The following RHEX variants were observed in gnomAD, a reference collection of about 807,000 sequenced individuals.
The protein encoded by RHEX is regulator of hemoglobinization and erythroid cell expansion.
RHEX carries 18 observed loss-of-function variants against 20.1 expected under a neutral mutation model. The ratio of observed to expected loss-of-function variants is 0.90; its 90% confidence interval spans 0.62 to 1.33. The LOEUF is 1.33. Ranked by LOEUF, RHEX falls within the 40% of genes most tolerant of loss-of-function variation. The pLI, the probability that RHEX is intolerant of heterozygous loss-of-function variation, is 0.00. For missense variants in RHEX, 192 were observed against 214.3 expected, an observed-to-expected ratio of 0.90 and a Z score of 0.65; for synonymous variants, 87 against 77.1, an observed-to-expected ratio of 1.13 and a Z score of -0.67.
At chr1:206,064,274 C>A (rs1406352075) in intron 1 of RHEX, among the ~76,000 whole-genome samples, 1 of 144,954 alleles carries the variant, frequency 6.9e-6, no homozygotes, top group Non-Finnish European at 1.5e-5. Context: ...GGGGGTCAGC[C>A]CCCCGCCCGG....
intron 1 of RHEX, among the ~76,000 whole-genome samples, chr1:206,053,724 A>C (rs1662117620): frequency 6.6e-6 from 1 of 152,236 alleles, no homozygotes; most frequent in Admixed American, 6.5e-5. Flanking sequence ...AAGCCTGGAC[A>C]GGTCCCTTGT....
intron 1 of RHEX, among the ~76,000 whole-genome samples, chr1:206,090,929 A>T (rs555704954): frequency 6.6e-6 from 1 of 152,264 alleles, no homozygotes; most frequent in South Asian, 2.1e-4. Context: ...TAATTCCTCT[A>T]GTTTTGCAAT....
intron 1 of RHEX, among the ~76,000 whole-genome samples, chr1:206,076,072 G>A (rs1162928049): frequency 2.0e-5 from 3 of 152,084 alleles, no homozygotes; most frequent in Non-Finnish European, 4.4e-5. Context: ...CTTGCTGCGA[G>A]AAGCAAAAAC....
At position 206,099,826 on chromosome 1, in the gene RHEX, G is replaced by T. The variant is rs782773043; in HGVS notation, c.256+28G>T. 6.2e-6 allele frequency: 10 copies of T among 1,609,766 alleles called. No individual in the cohort carries two copies. In the Admixed American group the frequency reaches 1.2e-4, roughly 19 times the overall value. ...GAGTAAGGGGTTGGAGGGAGAACTT[G>T]TCTAGGGACTAACTTTGCTCTCTCT... On this transcript the variant is annotated intron_variant, in intron 4 of 5. Transcript: ENST00000331555.
chr1:206,055,733 C>T (rs1193754130), intron 1 of RHEX, among the ~76,000 whole-genome samples: 2 of 152,254 alleles, frequency 1.3e-5, no homozygotes, highest in South Asian at 2.1e-4. Flanking sequence ...AAACCCATGT[C>T]GGCCCCAGCC....
At position 206,099,682 on chromosome 1, in the gene RHEX, C is replaced by CGGCCAGTCTCCAGGTTCCCA; in HGVS notation, c.145_164dup (p.Ser56ValfsTer20). 6.2e-7 allele frequency: 1 copy of CGGCCAGTCTCCAGGTTCCCA among 1,614,094 alleles called. No individual in the cohort carries two copies. On this transcript the variant is annotated frameshift_variant, in exon 4 of 6. Coordinates refer to ENST00000331555, the MANE Select transcript of RHEX (RefSeq NM_001007544.4). LOFTEE classifies it high-confidence loss of function. The stretch of plus-strand genomic sequence containing the variant: ...CACAAGAGTGAACAGATACTGAAAG[C>CGGCCAGTCTCCAGGTTCCCA]GGCCAGTCTCCAGGTTCCCAGGCCC...
At position 206,099,748 on chromosome 1, in the gene RHEX, A is replaced by T. The variant is rs1467133723; in HGVS notation, c.206A>T (p.Lys69Met). 8 of 1,613,968 alleles carry T rather than the reference A, an allele frequency of 5.0e-6. No individual in the cohort carries two copies. The highest frequency in any genetic ancestry group is 5.9e-6 in the Non-Finnish European group (7 of 1,179,964). ...HHHPPAVKEM[K>M]ETQTERDIPM... ...CATCCACCTGCTGTCAAAGAGATGA[A>T]GGAGACTCAGACAGAGAGAGACATC... The change falls in exon 4 of 6, where the codon AAG becomes ATG. Residue 69 changes from lysine (K) to methionine (M), a missense_variant. Lys to Met is a moderately conservative substitution (Grantham distance 95). Transcript: ENST00000331555.
At chr1:206,093,871 G>A (rs1663010566) in intron 1 of RHEX, among the ~76,000 whole-genome samples, 1 of 152,026 alleles carries the variant, frequency 6.6e-6, no homozygotes, top group Admixed American at 6.5e-5. Context: ...GAGGGACAGG[G>A]TTTTACTCTG....
intron 1 of RHEX, among the ~76,000 whole-genome samples, chr1:206,062,647 G>T (rs1006239598): frequency 2.0e-5 from 3 of 152,170 alleles, no homozygotes; most frequent in Non-Finnish European, 2.9e-5. Flanking sequence ...TAGGGGGGCT[G>T]CAGGTGCCTG....
chr1:206,098,368 A>T (rs1021186879), intron 3 of RHEX, 187 bp downstream of exon 3: 1 of 570,850 alleles, frequency 1.8e-6, no homozygotes, highest in Non-Finnish European at 3.2e-6. Context: ...CCCCACTCTG[A>T]CCTCACCTTT....
chr1:206,086,881 C>T (rs1209854567), intron 1 of RHEX, among the ~76,000 whole-genome samples: 1 of 152,012 alleles, frequency 6.6e-6, no homozygotes, highest in Non-Finnish European at 1.5e-5. Context: ...GTGGTATGCA[C>T]CTGTGGTCCC....
Position 206,098,179 on chromosome 1 carries a change from T to C in RHEX, c.110T>C (p.Met37Thr), listed in dbSNP as rs140952719. The part of the protein sequence containing the change: ...TAINYLLSRH[M>T]AHKSEQILKA... ...ATCAACTACCTGCTCAGCAGGCACA[T>C]GGGTAACTGGCTCAGCATCCTCTTC... The change falls in exon 3 of 6, where the codon ATG (methionine) becomes ACG (threonine). Residue 37 changes from methionine to threonine, a missense_variant and splice_region_variant. Physicochemically the swap from Met to Thr is moderately conservative, Grantham distance 81. Transcript: ENST00000331555. 6.2e-6 allele frequency: 10 copies of C among 1,607,512 alleles called. No individual in the cohort carries two copies. The African/African-American group carries it at 1.3e-4, about 22-fold the overall frequency.
intron 1 of RHEX, among the ~76,000 whole-genome samples, chr1:206,088,366 T>C (rs1662878660): frequency 6.6e-6 from 1 of 152,220 alleles, no homozygotes; most frequent in African/African-American, 2.4e-5. Context: ...AAATCTATAT[T>C]TGATAAACAA....
At chr1:206,080,513 CG>C (rs1324930146) in intron 1 of RHEX, among the ~76,000 whole-genome samples, 1 of 152,078 alleles carries the variant, frequency 6.6e-6, no homozygotes, top group Non-Finnish European at 1.5e-5. Context: ...AAATGGGCTA[CG>C]GGGTGGGGTA....
intron 1 of RHEX, among the ~76,000 whole-genome samples, chr1:206,088,365 T>C (rs967734057): frequency 1.3e-5 from 2 of 152,230 alleles, no homozygotes; most frequent in African/African-American, 4.8e-5. Flanking sequence ...TAAATCTATA[T>C]TTGATAAACA....
chr1:206,101,634 C>A, intron 5 of RHEX, 118 bp from the exon 6 acceptor site: 1 of 761,132 alleles, frequency 1.3e-6, no homozygotes, highest in East Asian at 2.7e-5. Context: ...TATTTGGACC[C>A]AGATCTTCCC....
chr1:206,099,760 C>T lies in RHEX; in HGVS notation c.218C>T (p.Thr73Ile), dbSNP rs781999919. The T allele has an allele frequency of 1.2e-6, 2 of 1,614,084 alleles. No individual in the cohort carries two copies. Among genetic ancestry groups the T allele is most frequent in the Non-Finnish European group, 1.7e-6 (2 of 1,179,968 alleles). The part of the protein sequence containing the change: ...PAVKEMKETQ[T>I]ERDIPMSDSL... Reference sequence around the variant, plus strand: ...GTCAAAGAGATGAAGGAGACTCAGACAGAGAGAGACATCCCAATGTCTGAT... The same window carrying T: ...GTCAAAGAGATGAAGGAGACTCAGATAGAGAGAGACATCCCAATGTCTGAT... Residue 73 changes from threonine to isoleucine, a missense_variant, in exon 4 of 6, where the codon ACA (threonine) becomes ATA (isoleucine). Thr to Ile is a moderately conservative substitution (Grantham distance 89). Transcript: ENST00000331555.
At chr1:206,093,636 A>T (rs1663004865) in intron 1 of RHEX, among the ~76,000 whole-genome samples, 1 of 152,166 alleles carries the variant, frequency 6.6e-6, no homozygotes, top group Non-Finnish European at 1.5e-5. Context: ...TCTTTCTAGA[A>T]TAAACCTATC....
chr1:206,082,392 C>T (rs889906890), intron 1 of RHEX, among the ~76,000 whole-genome samples: 1 of 151,922 alleles, frequency 6.6e-6, no homozygotes, highest in Admixed American at 6.6e-5. Flanking sequence ...GTGGCACTCA[C>T]CTGTAATGTC....
Sources: gnomAD v4.1 joint callset for allele counts (sites outside exome capture counted in the v4.1 genomes callset) on GRCh38, gnomAD v4.1.1 for gene constraint, MANE v1.5 for transcripts, NCBI Gene and HGNC (gene_info 2026-07-23, HGNC 2026-07-21) for gene names.